Variants in NAALADL2 observed in about 807,000 individuals in gnomAD.
NAALADL2 encodes inactive N-acetylated-alpha-linked acidic dipeptidase-like protein 2.
Under a neutral mutation model 87.2 loss-of-function variants are expected in NAALADL2, and 76 were observed. The ratio of observed to expected loss-of-function variants is 0.87; its 90% CI spans 0.72 to 1.05. The LOEUF (loss-of-function observed/expected upper bound fraction) is 1.05. Ranked by LOEUF, NAALADL2 falls within the 50% of genes least tolerant of loss-of-function variation. NAALADL2 has a pLI of 0.00. For missense variants in NAALADL2, 1,089 were observed against 945.8 expected (o/e 1.15, Z -1.99); for synonymous variants, 354 against 331.0 (o/e 1.07, Z -0.75).
intron 9 of NAALADL2, among the ~76,000 whole-genome samples, chr3:175,524,814 G>A (rs1192157754): frequency 6.6e-6 from 1 of 152,080 alleles, no homozygotes; most frequent in African/African-American, 2.4e-5. Flanking sequence ...CATCTTGTTA[G>A]CAAACATGTT....
chr3:175,675,135 G>A (rs1482187219), intron 11 of NAALADL2: 4 of 152,178 alleles, frequency 2.6e-5, no homozygotes, highest in Admixed American at 6.5e-5. Flanking sequence ...GCCACAGTTA[G>A]CAGGATAGTA....
chr3:174,779,835 T>C (rs1488348458), intron 3 of NAALADL2, among the ~76,000 whole-genome samples: 1 of 152,186 alleles, frequency 6.6e-6, no homozygotes, highest in Non-Finnish European at 1.5e-5. Context: ...GGTCTACATA[T>C]GTGTTTTGGT....
chr3:175,653,909 G>A (rs1434399284), intron 11 of NAALADL2, among the ~76,000 whole-genome samples: 1 of 152,156 alleles, frequency 6.6e-6, no homozygotes, highest in African/African-American at 2.4e-5. Flanking sequence ...GGGGTTCTGG[G>A]TGACCAGACA....
intron 11 of NAALADL2, among the ~76,000 whole-genome samples, chr3:175,720,072 A>G (rs1394236823): frequency 2.0e-5 from 3 of 152,164 alleles, no homozygotes; most frequent in African/African-American, 7.2e-5. Flanking sequence ...CTCAGGCCAT[A>G]GCACCCTCTC....
At chr3:175,593,693 G>T (rs763425787) in intron 10 of NAALADL2, among the ~76,000 whole-genome samples, 8 of 151,992 alleles carry the variant, frequency 5.3e-5, no homozygotes, top group Non-Finnish European at 1.0e-4. Flanking sequence ...CATAATTCCA[G>T]TCTTGACATG....
At chr3:174,803,644 G>A (rs1253264960) in intron 3 of NAALADL2, among the ~76,000 whole-genome samples, 2 of 152,128 alleles carry the variant, frequency 1.3e-5, no homozygotes, top group East Asian at 1.9e-4. Flanking sequence ...GTTAATTTTT[G>A]TATAAGGTGT....
intron 5 of NAALADL2, among the ~76,000 whole-genome samples, chr3:175,359,250 T>C (rs947758074): frequency 1.3e-5 from 2 of 152,100 alleles, no homozygotes; most frequent in African/African-American, 4.8e-5. Flanking sequence ...TTATCTAGAA[T>C]ACTAAAATGA....
At chr3:175,667,211 GAAAGAA>G (rs1307244890) in intron 11 of NAALADL2, among the ~76,000 whole-genome samples, 1 of 121,526 alleles carries the variant, frequency 8.2e-6, no homozygotes, top group Non-Finnish European at 1.6e-5. Flanking sequence ...AAGAAAGAAA[GAAAGAA>G]AGAAAGAAAG....
chr3:175,325,788 T>C lies in NAALADL2; in HGVS notation c.1090+1463T>C, dbSNP rs1038729754. 5.3e-5 allele frequency among the ~76,000 whole-genome samples: 8 copies of C among 152,338 alleles called. No homozygotes were observed. In the East Asian group the frequency reaches 1.5e-3, roughly 29 times the overall value. On this transcript the variant is annotated intron_variant, in intron 5 of 13. Coordinates refer to ENST00000454872, the MANE Select transcript of NAALADL2 (RefSeq NM_207015.3). ...CTTTTTTTCTACTTTTGTTCTAAAA[T>C]AATCTAAACTTCCTAAAATAGTTGC... is the stretch of plus-strand genomic sequence containing the variant.
intron 5 of NAALADL2, among the ~76,000 whole-genome samples, chr3:175,344,050 C>A (rs1304659409): frequency 6.6e-6 from 1 of 152,026 alleles, no homozygotes; most frequent in African/African-American, 2.4e-5. Context: ...TGGTTTAATA[C>A]CGACAAGCAA....
At chr3:174,822,466 T>G (rs1247811100) in intron 3 of NAALADL2, among the ~76,000 whole-genome samples, 1 of 152,182 alleles carries the variant, frequency 6.6e-6, no homozygotes, top group Non-Finnish European at 1.5e-5. Context: ...AGGGTTGATC[T>G]GACTCATGCA....
chr3:174,880,988 C>T (rs1472441794), intron 1 of NAALADL2, among the ~76,000 whole-genome samples: 1 of 152,090 alleles, frequency 6.6e-6, no homozygotes, highest in Admixed American at 6.6e-5. Flanking sequence ...TTCACATGAC[C>T]TTCCTGTCTT....
At chr3:175,178,831 A>T (rs1736050627) in intron 2 of NAALADL2, among the ~76,000 whole-genome samples, 2 of 149,962 alleles carry the variant, frequency 1.3e-5, no homozygotes, top group African/African-American at 2.4e-5. Context: ...ATGTTTTAGA[A>T]TTTTTTTTTT....
intron 1 of NAALADL2, among the ~76,000 whole-genome samples, chr3:174,916,670 C>T (rs1001814535): frequency 1.3e-5 from 2 of 151,842 alleles, no homozygotes; most frequent in Non-Finnish European, 2.9e-5. Flanking sequence ...GCTATGAGGA[C>T]ACAGAGGCAT....
chr3:175,671,832 T>A (rs112735627), intron 11 of NAALADL2, among the ~76,000 whole-genome samples: 1,791 of 152,144 alleles, frequency 0.012, 11 homozygotes, highest in Non-Finnish European at 0.018. Flanking sequence ...TTAAAAAAAA[T>A]TTTTCTTACA....
chr3:175,507,948 T>C (rs946378292), intron 9 of NAALADL2, among the ~76,000 whole-genome samples: 10 of 152,168 alleles, frequency 6.6e-5, no homozygotes, highest in African/African-American at 2.4e-4. Context: ...AGAGGTTTAA[T>C]TGGCCCATGG....
chr3:174,634,608 T>C (rs972290767), intron 2 of NAALADL2, among the ~76,000 whole-genome samples: 4 of 152,190 alleles, frequency 2.6e-5, no homozygotes, highest in Non-Finnish European at 4.4e-5. Flanking sequence ...ATCATGACCT[T>C]AGAATATAAG....
chr3:175,443,460 G>T (rs2149210503), intron 5 of NAALADL2, among the ~76,000 whole-genome samples: 1 of 152,106 alleles, frequency 6.6e-6, no homozygotes. Context: ...TAATTTTAGG[G>T]CAAGGATAAT....
intron 9 of NAALADL2, among the ~76,000 whole-genome samples, chr3:175,483,743 A>G (rs564908948): frequency 6.6e-6 from 1 of 152,114 alleles, no homozygotes; most frequent in East Asian, 1.9e-4. Flanking sequence ...TAAAAGTCTC[A>G]GCATTGGGTA....
Sources: gnomAD v4.1 joint callset for allele counts (sites outside exome capture counted in the v4.1 genomes callset) on GRCh38, gnomAD v4.1.1 for gene constraint, MANE v1.5 for transcripts, NCBI Gene and HGNC (gene_info 2026-07-23, HGNC 2026-07-21) for gene names.